The following MCTP2 variants were observed in gnomAD, a reference collection of about 807,000 sequenced individuals.
The protein encoded by MCTP2 is multiple C2 and transmembrane domain-containing protein 2.
In MCTP2, 132 loss-of-function variants were observed where a neutral mutation model predicts 111.6. The ratio of observed to expected loss-of-function variants is 1.18; its 90% CI spans 1.03 to 1.37. The LOEUF is 1.37. Among genes scored for constraint, MCTP2 ranks in the 40% most tolerant of loss-of-function variants. The pLI is 0.00. For synonymous variants in MCTP2, 395 were observed against 387.7 expected, an observed-to-expected ratio of 1.02 and a Z score of -0.22; for missense variants, 1,183 against 1,067.9, an observed-to-expected ratio of 1.11 and a Z score of -1.50.
chr15:94,268,492 A>G (rs931454315), intron 1 of MCTP2, among the ~76,000 whole-genome samples: 6 of 151,802 alleles, frequency 4.0e-5, no homozygotes, highest in Non-Finnish European at 8.8e-5. Flanking sequence ...GCGCCTGGCC[A>G]CTTTCCTTTT....
At chr15:94,245,535 T>C (rs1332553829) in intron 1 of MCTP2, among the ~76,000 whole-genome samples, 1 of 142,978 alleles carries the variant, frequency 7.0e-6, no homozygotes, top group Non-Finnish European at 1.5e-5. Context: ...TTTATATACA[T>C]ACATGTATAT....
At chr15:94,313,719 C>G (rs2076252471) in intron 2 of MCTP2, among the ~76,000 whole-genome samples, 1 of 151,626 alleles carries the variant, frequency 6.6e-6, no homozygotes, top group African/African-American at 2.4e-5. Flanking sequence ...AACAAACAAA[C>G]AAATACTGGG....
At chr15:94,382,316 G>T (rs2080183919) in intron 12 of MCTP2, among the ~76,000 whole-genome samples, 2 of 152,200 alleles carry the variant, frequency 1.3e-5, no homozygotes, top group Non-Finnish European at 2.9e-5. Context: ...AATGCTGTTT[G>T]ATATTATTTT....
In MCTP2 at chr15:94,402,127, A is replaced by G. The variant is rs1040024433; in HGVS notation, c.2085+108A>G. On this transcript the variant is annotated intron_variant, in intron 17 of 22. Coordinates refer to ENST00000357742, the MANE Select transcript of MCTP2 (RefSeq NM_001385001.1). Reference sequence around the variant, plus strand: ...ATTACGTGGGGGTTGTCTTTCTAAGACAGTACTTAGGTCAAATTTACCTGG... The same window carrying G: ...ATTACGTGGGGGTTGTCTTTCTAAGGCAGTACTTAGGTCAAATTTACCTGG... 9.1e-6 allele frequency: 13 copies of G among 1,425,166 alleles called. No homozygotes were observed. In the African/African-American group the frequency reaches 1.7e-4, roughly 19 times the overall value. 88.3% of individuals were successfully genotyped at this position (1,425,166 alleles called of 1,614,324 possible).
intron 20 of MCTP2, among the ~76,000 whole-genome samples, chr15:94,460,107 A>G (rs1235361677): frequency 6.6e-6 from 1 of 152,204 alleles, no homozygotes; most frequent in Non-Finnish European, 1.5e-5. Flanking sequence ...TCAATGAGGG[A>G]GAAACAGAGT....
intron 1 of MCTP2, among the ~76,000 whole-genome samples, chr15:94,297,771 C>T (rs1402923713): frequency 6.6e-6 from 1 of 152,176 alleles, no homozygotes; most frequent in East Asian, 1.9e-4. Flanking sequence ...TAATAACTGG[C>T]CCTGCACTGA....
Position 94,481,372 on chromosome 15 carries a change from C to CT in MCTP2, c.*2347dup, listed in dbSNP as rs890066709. 9.9e-5 allele frequency: 15 copies of CT among 151,842 alleles called. No individual in the cohort carries two copies. The highest frequency in any genetic ancestry group is 3.1e-3 in the Middle Eastern group (1 of 320). 9.4% of individuals were successfully genotyped at this position (151,842 alleles called of 1,614,324 possible). A position where few individuals can be genotyped will look rare whatever the true frequency, so the allele number is the denominator to read the frequency against. ...GGGCTTGGAATTTCTCGGTCATCCTCTTTTTTTTTGTTCCTCGTGCTGTTG... is the reference window on the plus strand; with the variant it reads ...GGGCTTGGAATTTCTCGGTCATCCTCTTTTTTTTTTGTTCCTCGTGCTGTTG... On this transcript the variant is annotated 3_prime_UTR_variant, in exon 23 of 23. Coordinates refer to ENST00000357742, the MANE Select transcript of MCTP2 (RefSeq NM_001385001.1).
chr15:94,245,314 A>G (rs1227808753), intron 1 of MCTP2, among the ~76,000 whole-genome samples: 2 of 142,312 alleles, frequency 1.4e-5, no homozygotes, highest in South Asian at 2.2e-4. Flanking sequence ...ACATATATGT[A>G]CATATATTTA....
chr15:94,236,433 C>T (rs1567237957), intron 1 of MCTP2, among the ~76,000 whole-genome samples: 1 of 116,892 alleles, frequency 8.6e-6, no homozygotes, highest in South Asian at 2.9e-4. Context: ...TGTCAAGCAG[C>T]GTGAGTAAGA....
intron 7 of MCTP2, chr15:94,344,180 A>AT (rs2077830209): frequency 1.3e-5 from 2 of 152,244 alleles, no homozygotes; most frequent in African/African-American, 4.8e-5. Context: ...AATGAAGAAT[A>AT]TTTTTCAGTC....
intron 10 of MCTP2, among the ~76,000 whole-genome samples, chr15:94,362,270 A>T (rs1478950985): frequency 1.3e-5 from 2 of 152,240 alleles, no homozygotes; most frequent in African/African-American, 4.8e-5. Flanking sequence ...AATATAGAGT[A>T]ATATAGATTA....
At chr15:94,251,814 C>G (rs576584236) in intron 1 of MCTP2, among the ~76,000 whole-genome samples, 1 of 152,180 alleles carries the variant, frequency 6.6e-6, no homozygotes, top group African/African-American at 2.4e-5. Flanking sequence ...CTGCCCCTGA[C>G]AGCCATCATT....
chr15:94,367,509 T>TG, intron 10 of MCTP2, 96 bp from the exon 11 acceptor site: 1 of 954,960 alleles, frequency 1.0e-6, no homozygotes, highest in Non-Finnish European at 1.6e-6. Flanking sequence ...GAGTGAGTTT[T>TG]GGGGGATGAT....
intron 1 of MCTP2, among the ~76,000 whole-genome samples, chr15:94,296,331 A>T (rs956994765): frequency 6.6e-6 from 1 of 152,272 alleles, no homozygotes; most frequent in African/African-American, 2.4e-5. Context: ...CTGCAAAAAA[A>T]GTTGTAAACT....
chr15:94,476,661 CAGAT>C (rs762981460), intron 21 of MCTP2, 31 bp from the exon 22 acceptor site: 95 of 1,040,264 alleles, frequency 9.1e-5, no homozygotes, highest in Middle Eastern at 2.1e-4. Context: ...GACAGACAGA[CAGAT>C]AAAGAGATCT....
chr15:94,305,772 C>T (rs2075850701), intron 2 of MCTP2, among the ~76,000 whole-genome samples: 3 of 152,182 alleles, frequency 2.0e-5, no homozygotes, highest in Admixed American at 6.5e-5. Flanking sequence ...GGAGGCGCTA[C>T]GTGGGTAGGG....
rs769907815 is a variant in MCTP2, at chr15:94,244,146, GTA to G, written c.-66+12486_-66+12487del. 2.2e-3 allele frequency among the ~76,000 whole-genome samples: 318 copies of G among 144,694 alleles called. 8 individuals are homozygous for G. Among genetic ancestry groups the G allele is most frequent in the African/African-American group, 6.3e-3 (246 of 38,822 alleles). The allele number at this position is 144,694 out of a possible 152,430, so 94.9% of individuals were successfully genotyped here. On this transcript the variant is annotated intron_variant, in intron 1 of 22. Transcript: ENST00000357742. ...TACACATGTATACACATGCATATGT[GTA>G]TATGTTTATATACACGTGTATACAC... is the stretch of plus-strand genomic sequence containing the variant.
chr15:94,476,822 T>C lies in MCTP2; in HGVS notation c.2568+29T>C, dbSNP rs781696432. On this transcript the variant is annotated intron_variant, in intron 22 of 22. Coordinates refer to ENST00000357742, the MANE Select transcript of MCTP2 (RefSeq NM_001385001.1). Reference sequence around the variant, plus strand: ...TGTAATGAATGGTTACCACCAACAGTGGCCCCAACCTGAAATCTGGCCAGC... The same window carrying C: ...TGTAATGAATGGTTACCACCAACAGCGGCCCCAACCTGAAATCTGGCCAGC... 8 of 1,313,650 alleles carry C rather than the reference T, an allele frequency of 6.1e-6. No homozygotes were observed. The Admixed American group carries it at 1.0e-4, about 17-fold the overall frequency. The allele number at this position is 1,313,650 out of a possible 1,614,324, so 81.4% of individuals were successfully genotyped here.
rs988019971 is a variant in MCTP2, at chr15:94,399,028, T to A, written c.1856T>A (p.Val619Asp). 2 of 1,553,516 alleles carry A rather than the reference T, an allele frequency of 1.3e-6. No homozygotes were observed. The highest frequency in any genetic ancestry group is 2.7e-5 in the African/African-American group (2 of 73,664). ...GATTTAGAACAAGCTTTTAAAGGAG[T>A]TATTTACTTAGAGATGGACCTTATA... is the stretch of plus-strand genomic sequence containing the variant. ...NKDLEQAFKG[V>D]IYLEMDLIYN... is the part of the protein sequence containing the mutation. Residue 619 changes from valine to aspartate, a missense_variant, in exon 15 of 23, where the codon GTT (valine) becomes GAT (aspartate). Val to Asp is a radical substitution (Grantham distance 152). Transcript: ENST00000357742.
Sources: gnomAD v4.1 joint callset for allele counts (sites outside exome capture counted in the v4.1 genomes callset) on GRCh38, gnomAD v4.1.1 for gene constraint, MANE v1.5 for transcripts, NCBI Gene and HGNC (gene_info 2026-07-23, HGNC 2026-07-21) for gene names.